Variants in INTS7 observed in about 807,000 individuals in gnomAD.
INTS7 encodes the protein chromosome 1 open reading frame 73.
In INTS7, 46 loss-of-function variants were observed where a neutral mutation model predicts 109.2. That is an observed-to-expected ratio of 0.42 (90% confidence interval 0.33 to 0.54). The LOEUF (loss-of-function observed/expected upper bound fraction) is 0.54, where lower values mean the gene tolerates loss of function less well. Ranked by LOEUF, INTS7 falls within the 20% of genes least tolerant of loss-of-function variation. INTS7 has a pLI of 0.07. For missense variants in INTS7, 929 were observed against 1,132.4 expected (o/e 0.82, Z 2.58); for synonymous variants, 412 against 402.9 (o/e 1.02, Z -0.27).
intron 15 of INTS7, among the ~76,000 whole-genome samples, chr1:211,966,960 C>T (rs1663911857): frequency 6.6e-6 from 1 of 152,144 alleles, no homozygotes; most frequent in Admixed American, 6.5e-5. Context: ...ACTCCCTGAA[C>T]TTACATGCAC....
intron 3 of INTS7, among the ~76,000 whole-genome samples, chr1:212,018,788 CAGT>C (rs780014153): frequency 1.1e-3 from 173 of 152,282 alleles, no homozygotes; most frequent in Middle Eastern, 3.4e-3. Flanking sequence ...AAAAGTTATA[CAGT>C]AGTTCACCAA....
rs1438524317 is a variant in INTS7 at position 211,982,700 on chromosome 1, T to C, written c.1108A>G (p.Ile370Val). 9 of 1,608,278 alleles carry C rather than the reference T, an allele frequency of 5.6e-6. No homozygotes were observed. The highest frequency in any genetic ancestry group is 1.7e-5 in the Admixed American group (1 of 59,486). The change falls in exon 9 of 20, where the codon ATA becomes GTA. Residue 370 changes from isoleucine to valine, a missense_variant. Physicochemically the swap from Ile to Val is conservative, Grantham distance 29. Transcript: ENST00000366994. ...CCCTTTTCTTGACAAGAAACAGTTA[T>C]ATTAGTTAGGACTCTAACTCCATGA... Reference protein sequence around the residue: ...AAHGVRVLTNITVSCQEKDLL... With the variant: ...AAHGVRVLTNVTVSCQEKDLL...
chr1:211,971,258 T>C (rs765970139), intron 13 of INTS7, among the ~76,000 whole-genome samples: 1 of 152,314 alleles, frequency 6.6e-6, no homozygotes, highest in South Asian at 2.1e-4. Flanking sequence ...AAATATCCCC[T>C]GGAGGATAAA....
At chr1:211,985,733 C>T (rs1664865472) in intron 8 of INTS7, among the ~76,000 whole-genome samples, 1 of 152,218 alleles carries the variant, frequency 6.6e-6, no homozygotes, top group African/African-American at 2.4e-5. Context: ...TACCGTCAAA[C>T]CTTTGTGAGT....
In INTS7 at chr1:212,033,329, C is replaced by A. The variant is rs537069749; in HGVS notation, c.94+2015G>T. Among the ~76,000 whole-genome samples the A allele has an allele frequency of 2.2e-4, 33 of 152,286 alleles. 1 individual carries two copies. The highest frequency in any genetic ancestry group is 7.7e-4 in the African/African-American group (32 of 41,540). ...TACACGAAACTGGCTATTTCTATAACTTAATTTCCTAACAGCTTTAAAAGT... is the reference window on the plus strand; with the variant it reads ...TACACGAAACTGGCTATTTCTATAAATTAATTTCCTAACAGCTTTAAAAGT... On this transcript the variant is annotated intron_variant, in intron 1 of 19. Coordinates refer to ENST00000366994, the MANE Select transcript of INTS7 (RefSeq NM_015434.4).
chr1:211,980,485 G>A (rs1490636016), intron 10 of INTS7, among the ~76,000 whole-genome samples: 3 of 152,010 alleles, frequency 2.0e-5, no homozygotes, highest in Non-Finnish European at 2.9e-5. Context: ...ACATAGGGTA[G>A]AGAACAGTGG....
At chr1:212,023,571 C>CT (rs1666798879) in intron 1 of INTS7, among the ~76,000 whole-genome samples, 1 of 152,034 alleles carries the variant, frequency 6.6e-6, no homozygotes, top group East Asian at 1.9e-4. Flanking sequence ...TTTTCATGTC[C>CT]TTTGCCCACT....
At chr1:212,031,644 A>G (rs1254322414) in intron 1 of INTS7, among the ~76,000 whole-genome samples, 2 of 152,238 alleles carry the variant, frequency 1.3e-5, no homozygotes, top group Admixed American at 6.5e-5. Flanking sequence ...CTTGTTTGCC[A>G]ACATAGCCCC....
Position 211,967,920 on chromosome 1 carries a change from G to T in INTS7, c.2072C>A (p.Ala691Glu), listed in dbSNP as rs1448575730. 1.4e-5 allele frequency: 23 copies of T among 1,609,158 alleles called. No individual in the cohort carries two copies. The highest frequency in any genetic ancestry group is 1.9e-5 in the Non-Finnish European group (22 of 1,177,378). The change falls in exon 15 of 20, where the codon GCA (alanine) becomes GAA (glutamate). Residue 691 changes from alanine to glutamate, a missense_variant. Transcript: ENST00000366994. ...AGTTGCTGAGTCAGCATCAAAAGAT[G>T]CCTGGTAAAGATCTCCATATCGAGA... ...LASRYGDLYQ[A>E]SFDADSATLR...
intron 18 of INTS7, among the ~76,000 whole-genome samples, chr1:211,945,543 G>T (rs1413377579): frequency 6.6e-6 from 1 of 152,148 alleles, no homozygotes; most frequent in Admixed American, 6.5e-5. Context: ...TGAAAAGATG[G>T]AAGAAATTTG....
chr1:211,989,390 T>A (rs1015901725), intron 7 of INTS7, among the ~76,000 whole-genome samples: 2 of 151,696 alleles, frequency 1.3e-5, no homozygotes, highest in African/African-American at 4.8e-5. Flanking sequence ...TTTTTTTTTT[T>A]ATGGCAAATA....
chr1:211,968,629 A>G lies in INTS7; in HGVS notation c.1894T>C (p.Ser632Pro). ...KLRIDLLQAF[S>P]QLICTCNSLK... ...CTATTACAAGTACAGATAAGTTGAG[A>G]GAAGGCTTGTAAAAGGTCAATCCTG... is the stretch of plus-strand genomic sequence containing the variant. The change falls in exon 14 of 20, where the codon TCT becomes CCT. Residue 632 changes from serine (S) to proline (P), a missense_variant. By Grantham distance (74) the Ser-to-Pro change is moderately conservative. Transcript: ENST00000366994. 2.5e-6 allele frequency: 4 copies of G among 1,613,994 alleles called. No homozygotes were observed. Among genetic ancestry groups the G allele is most frequent in the Non-Finnish European group, 3.4e-6 (4 of 1,179,952 alleles).
At chr1:212,014,422 G>A (rs1010792782) in intron 4 of INTS7, among the ~76,000 whole-genome samples, 7 of 118,600 alleles carry the variant, frequency 5.9e-5, no homozygotes, top group African/African-American at 1.7e-4. Flanking sequence ...CCGAGATTGC[G>A]CCACTGTACT....
In INTS7 at chr1:211,985,424, CTT is replaced by C. The variant is rs568442785; in HGVS notation, c.997+2460_997+2461del. ...ACCATTATTTATGGAAATAATGTAACTTTGGAAAATCCTTGATTTTATTTTTT... is the reference window on the plus strand; with the variant it reads ...ACCATTATTTATGGAAATAATGTAACTGGAAAATCCTTGATTTTATTTTTT... On this transcript the variant is annotated intron_variant, in intron 8 of 19. Transcript: ENST00000366994. Among the ~76,000 whole-genome samples, 367 of 152,166 alleles carry C rather than the reference CTT, an allele frequency of 2.4e-3. 2 individuals carry two copies. The highest frequency in any genetic ancestry group is 0.01 in the Middle Eastern group (3 of 294).
chr1:211,967,830 A>C (rs752028319), intron 15 of INTS7, 48 bp downstream of exon 15: 8 of 997,060 alleles, frequency 8.0e-6, no homozygotes, highest in Middle Eastern at 4.1e-4. Context: ...CGTATTTAAA[A>C]GAATACTTCC....
At chr1:212,027,014 TTC>T (rs959579948) in intron 1 of INTS7, among the ~76,000 whole-genome samples, 1 of 152,232 alleles carries the variant, frequency 6.6e-6, no homozygotes, top group Non-Finnish European at 1.5e-5. Context: ...TCAAACTTTT[TTC>T]TCTGAGATAA....
At chr1:212,021,329 G>A in intron 1 of INTS7, 117 bp from the exon 2 acceptor site, 7 of 853,458 alleles carry the variant, frequency 8.2e-6, no homozygotes, top group South Asian at 4.7e-5. Context: ...TTAAGAAGCA[G>A]GTAAAGTATA....
chr1:211,944,839 G>A lies in INTS7; in HGVS notation c.2546C>T (p.Ser849Phe), dbSNP rs1662783820. 1 of 1,614,060 alleles carries A rather than the reference G, an allele frequency of 6.2e-7. No homozygotes were observed. Residue 849 changes from serine to phenylalanine, a missense_variant, in exon 19 of 20, where the codon TCT becomes TTT. Physicochemically the swap from Ser to Phe is radical, Grantham distance 155. This residue lies in a region of INTS7 where 787 missense variants were observed against 901.1 expected (regional missense o/e 0.87). Transcript: ENST00000366994. ...TGTGGAAGAAACATTCAGACAGACA[G>A]ACTGAATTTTGCGGAAGAGTCCTGG... ...SKPGLFRKIQ[S>F]VCLNVSSTLQ...
chr1:212,015,418 T>G (rs1240057729), intron 4 of INTS7, among the ~76,000 whole-genome samples: 2 of 152,272 alleles, frequency 1.3e-5, no homozygotes, highest in East Asian at 3.9e-4. Context: ...CCCAACCCCC[T>G]GCTCTCTGAA....
Sources: gnomAD v4.1 joint callset for allele counts (sites outside exome capture counted in the v4.1 genomes callset) on GRCh38, gnomAD v4.1.1 for gene constraint, gnomAD v4.1.1 regional missense constraint, MANE v1.5 for transcripts, NCBI Gene and HGNC (gene_info 2026-07-23, HGNC 2026-07-21) for gene names.